The following CDH13 variants were observed in gnomAD, a reference collection of about 807,000 sequenced individuals.
CDH13 encodes the protein cadherin 13.
A neutral mutation model predicts 63.8 loss-of-function variants in CDH13; 24 were observed. The ratio of observed to expected loss-of-function variants is 0.38; its 90% confidence interval spans 0.27 to 0.53. CDH13 has a LOEUF of 0.53. Among genes scored for constraint, CDH13 ranks in the 20% least tolerant of loss-of-function variants. CDH13 has a pLI of 0.85. For missense variants in CDH13, 1,049 were observed against 903.1 expected, an observed-to-expected ratio of 1.16 and a Z score of -2.07; for synonymous variants, 503 against 355.3, an observed-to-expected ratio of 1.42 and a Z score of -4.67.
At chr16:83,549,160 G>A (rs980594883) in intron 7 of CDH13, among the ~76,000 whole-genome samples, 4 of 152,132 alleles carry the variant, frequency 2.6e-5, no homozygotes, top group African/African-American at 9.7e-5. Context: ...TTGGTCCTTG[G>A]AGGGCCTTGT....
chr16:83,419,305 G>A (rs1344326587), intron 6 of CDH13, among the ~76,000 whole-genome samples: 1 of 152,140 alleles, frequency 6.6e-6, no homozygotes, highest in Non-Finnish European at 1.5e-5. Flanking sequence ...TACAAGGTAT[G>A]CTGAATAATT....
At chr16:83,738,498 T>C (rs527912777) in intron 10 of CDH13, among the ~76,000 whole-genome samples, 6 of 152,360 alleles carry the variant, frequency 3.9e-5, no homozygotes, top group Non-Finnish European at 4.4e-5. Context: ...CAAACTAGCA[T>C]TTCCTTGGGT....
intron 2 of CDH13, among the ~76,000 whole-genome samples, chr16:83,001,626 A>T (rs1368733623): frequency 6.6e-6 from 1 of 152,224 alleles, no homozygotes; most frequent in Non-Finnish European, 1.5e-5. Flanking sequence ...CAGCCATGTT[A>T]ATGGATGTGC....
intron 2 of CDH13, among the ~76,000 whole-genome samples, chr16:82,916,182 C>G (rs1487892577): frequency 9.9e-5 from 15 of 152,096 alleles, no homozygotes; most frequent in Admixed American, 5.2e-4. Context: ...CATCGATTGC[C>G]ATGCTTAAGA....
At chr16:82,910,390 G>A (rs1321069343) in intron 2 of CDH13, among the ~76,000 whole-genome samples, 1 of 152,140 alleles carries the variant, frequency 6.6e-6, no homozygotes, top group Non-Finnish European at 1.5e-5. Context: ...TGCTTTTAAA[G>A]TACCTTCTTA....
At chr16:82,652,689 C>T (rs16958008) in intron 1 of CDH13, among the ~76,000 whole-genome samples, 1 of 150,740 alleles carries the variant, frequency 6.6e-6, no homozygotes, top group Non-Finnish European at 1.5e-5. Flanking sequence ...CTTAACTGGC[C>T]TGCATTACCT....
At position 82,627,165 on chromosome 16, in the gene CDH13, T is replaced by TTTGCGCC. The variant is rs767273239; in HGVS notation, c.45+28_45+29insTTGCGCC. 3.2e-6 allele frequency: 5 copies of TTTGCGCC among 1,579,982 alleles called. No individual in the cohort carries two copies. The African/African-American group carries it at 6.7e-5, about 21-fold the overall frequency. ...AGGGAAGAGGGGCTGCCGGGCGCGC[T>TTTGCGCC]CTGCGCCCCGTTTCTGCATTCGGAT... On this transcript the variant is annotated intron_variant, in intron 1 of 13. Transcript: ENST00000567109.
At chr16:83,506,866 G>C (rs1598178740) in intron 7 of CDH13, among the ~76,000 whole-genome samples, 1 of 152,310 alleles carries the variant, frequency 6.6e-6, no homozygotes, top group East Asian at 1.9e-4. Context: ...GAGCCACCTT[G>C]GAAGTAGACC....
chr16:83,621,536 GAGTGC>G (rs1216026386), intron 8 of CDH13, among the ~76,000 whole-genome samples: 2 of 124,680 alleles, frequency 1.6e-5, no homozygotes, highest in African/African-American at 6.3e-5. Context: ...ACCCAGGCTG[GAGTGC>G]AGTGGCATGA....
intron 1 of CDH13, among the ~76,000 whole-genome samples, chr16:82,652,807 A>G (rs923806985): frequency 4.0e-5 from 6 of 148,608 alleles, no homozygotes; most frequent in Non-Finnish European, 7.4e-5. Context: ...GTGAGTTCTG[A>G]TGGGAATCCC....
intron 3 of CDH13, among the ~76,000 whole-genome samples, chr16:83,075,521 G>C (rs2032772698): frequency 6.6e-6 from 1 of 152,168 alleles, no homozygotes; most frequent in Non-Finnish European, 1.5e-5. Context: ...AAGGGAACAG[G>C]GTTGTGGTTG....
intron 5 of CDH13, among the ~76,000 whole-genome samples, chr16:83,220,400 G>T (rs936321684): frequency 3.3e-5 from 5 of 152,110 alleles, no homozygotes; most frequent in Admixed American, 2.0e-4. Context: ...TAGATCCATG[G>T]TATTCATGGT....
At chr16:83,024,591 A>T (rs1006763265) in intron 2 of CDH13, among the ~76,000 whole-genome samples, 2 of 152,206 alleles carry the variant, frequency 1.3e-5, no homozygotes, top group African/African-American at 2.4e-5. Flanking sequence ...AACCTCACTA[A>T]GTCTCAGTTT....
chr16:82,752,438 C>G (rs1202608318), intron 1 of CDH13, among the ~76,000 whole-genome samples: 1 of 152,200 alleles, frequency 6.6e-6, no homozygotes, highest in Non-Finnish European at 1.5e-5. Flanking sequence ...CTCTGCAGTA[C>G]TTCATTTCCT....
At chr16:83,498,948 G>A (rs2074209720) in intron 7 of CDH13, among the ~76,000 whole-genome samples, 1 of 152,152 alleles carries the variant, frequency 6.6e-6, no homozygotes, top group African/African-American at 2.4e-5. Context: ...CTGCCCTTGG[G>A]GGGAAATGCA....
intron 6 of CDH13, among the ~76,000 whole-genome samples, chr16:83,351,579 G>C (rs892285550): frequency 6.6e-6 from 1 of 152,142 alleles, no homozygotes; most frequent in Non-Finnish European, 1.5e-5. Context: ...CAACATCATT[G>C]TTTCAAACAG....
At chr16:82,863,216 A>G (rs2040008671) in intron 2 of CDH13, among the ~76,000 whole-genome samples, 1 of 152,208 alleles carries the variant, frequency 6.6e-6, no homozygotes. Flanking sequence ...CAAGGCCTAC[A>G]TAGGATGAAG....
At chr16:82,780,216 C>T (rs904028970) in intron 1 of CDH13, among the ~76,000 whole-genome samples, 3 of 152,170 alleles carry the variant, frequency 2.0e-5, no homozygotes, top group African/African-American at 7.2e-5. Context: ...TGTCGACCCA[C>T]AAGTGGTTAC....
intron 8 of CDH13, among the ~76,000 whole-genome samples, chr16:83,644,038 C>A (rs957673922): frequency 6.6e-6 from 1 of 152,202 alleles, no homozygotes; most frequent in South Asian, 2.1e-4. Flanking sequence ...AGAAGCAGAG[C>A]CTATCAGATC....
Sources: gnomAD v4.1 joint callset for allele counts (sites outside exome capture counted in the v4.1 genomes callset) on GRCh38, gnomAD v4.1.1 for gene constraint, MANE v1.5 for transcripts, NCBI Gene and HGNC (gene_info 2026-07-23, HGNC 2026-07-21) for gene names.